B3GALT1: variants seen among roughly 807,000 people sequenced by gnomAD.
The protein encoded by B3GALT1 is UDP-Gal:betaGlcNAc beta 1,3-galactosyltransferase, polypeptide 1.
In B3GALT1, 10 loss-of-function variants were observed where a neutral mutation model predicts 23.2. The observed-to-expected ratio is 0.43, with a 90% CI of 0.27 to 0.73. The LOEUF (loss-of-function observed/expected upper bound fraction) is 0.73, where lower values mean the gene tolerates loss of function less well. B3GALT1 is among the 30% of genes least tolerant of loss of function. The pLI is 0.21. For missense variants in B3GALT1, 299 were observed against 405.4 expected (o/e 0.74, Z 2.25); for synonymous variants, 156 against 141.5 (o/e 1.10, Z -0.73).
intron 1 of B3GALT1, among the ~76,000 whole-genome samples, chr2:167,302,301 T>G (rs1165355811): frequency 1.3e-5 from 2 of 152,144 alleles, no homozygotes; most frequent in African/African-American, 4.8e-5. Context: ...AAAATGTTTT[T>G]GCTGGGAACA....
chr2:167,320,994 G>A (rs1696802321), intron 1 of B3GALT1, among the ~76,000 whole-genome samples: 1 of 151,820 alleles, frequency 6.6e-6, no homozygotes, highest in Non-Finnish European at 1.5e-5. Flanking sequence ...GAGGCAGAAA[G>A]GAAATCATTC....
chr2:167,569,254 A>T (rs1684242927), intron 2 of B3GALT1, among the ~76,000 whole-genome samples: 1 of 151,890 alleles, frequency 6.6e-6, no homozygotes, highest in African/African-American at 2.4e-5. Context: ...TACAGCCATA[A>T]AATAAGTTGC....
chr2:167,451,844 T>G lies in B3GALT1; in HGVS notation c.-510-38333T>G, dbSNP rs554341927. Among the ~76,000 whole-genome samples, 3 of 152,276 alleles carry G rather than the reference T, an allele frequency of 2.0e-5. No individual in the cohort carries two copies. The East Asian group carries it at 5.8e-4, about 29-fold the overall frequency. Reference sequence around the variant, plus strand: ...TGTATGTCTGAGCTCAGACTCTCCTTGGACAGGGCTTGCCGTGGCTGCTGT... The same window carrying G: ...TGTATGTCTGAGCTCAGACTCTCCTGGGACAGGGCTTGCCGTGGCTGCTGT... On this transcript the variant is annotated intron_variant, in intron 1 of 4. Transcript: ENST00000392690.
chr2:167,550,847 C>G (rs1402737822), intron 2 of B3GALT1, among the ~76,000 whole-genome samples: 1 of 152,128 alleles, frequency 6.6e-6, no homozygotes, highest in African/African-American at 2.4e-5. Context: ...GTAGGGTAGG[C>G]CAGCTTCTGT....
At chr2:167,332,047 C>T (rs1000978875) in intron 1 of B3GALT1, among the ~76,000 whole-genome samples, 1 of 152,238 alleles carries the variant, frequency 6.6e-6, no homozygotes, top group East Asian at 1.9e-4. Flanking sequence ...CTGCTTCTGC[C>T]CTAGACTTGG....
At chr2:167,552,672 C>T (rs1027279394) in intron 2 of B3GALT1, among the ~76,000 whole-genome samples, 16 of 152,186 alleles carry the variant, frequency 1.1e-4, no homozygotes, top group South Asian at 6.2e-4. Context: ...TTCTTCCAAA[C>T]GGAAGTTGCC....
chr2:167,565,398 A>G (rs1475950146), intron 2 of B3GALT1, among the ~76,000 whole-genome samples: 1 of 152,230 alleles, frequency 6.6e-6, no homozygotes, highest in African/African-American at 2.4e-5. Flanking sequence ...TAAAACCACA[A>G]AAACCCTAGA....
intron 3 of B3GALT1, among the ~76,000 whole-genome samples, chr2:167,816,945 A>G (rs1478825022): frequency 1.3e-5 from 2 of 152,224 alleles, no homozygotes; most frequent in African/African-American, 4.8e-5. Context: ...CATTTTTTAC[A>G]TAAGGCAAAG....
At chr2:167,669,138 C>T (rs1272382139) in intron 3 of B3GALT1, among the ~76,000 whole-genome samples, 1 of 152,164 alleles carries the variant, frequency 6.6e-6, no homozygotes, top group Non-Finnish European at 1.5e-5. Context: ...ATCCTTCACT[C>T]CTCCTAAGAA....
chr2:167,842,458 C>T (rs1192260188), intron 4 of B3GALT1, among the ~76,000 whole-genome samples: 2 of 152,192 alleles, frequency 1.3e-5, no homozygotes, highest in African/African-American at 4.8e-5. Context: ...ACTTCAACTC[C>T]TTAGAGGACA....
At chr2:167,810,492 A>T (rs183395618) in intron 3 of B3GALT1, among the ~76,000 whole-genome samples, 2 of 151,140 alleles carry the variant, frequency 1.3e-5, no homozygotes, top group East Asian at 3.9e-4. Context: ...GACAAAGAAG[A>T]AGGAACAGAT....
At chr2:167,542,798 C>CT (rs572650522) in intron 2 of B3GALT1, among the ~76,000 whole-genome samples, 7,824 of 140,778 alleles carry the variant, frequency 0.056, 620 homozygotes, top group African/African-American at 0.18. Flanking sequence ...TGTATTAAAG[C>CT]TTTTTTTTTT....
At chr2:167,665,576 G>T (rs1187938779) in intron 3 of B3GALT1, among the ~76,000 whole-genome samples, 2 of 151,804 alleles carry the variant, frequency 1.3e-5, no homozygotes, top group South Asian at 2.1e-4. Context: ...GAATTCGGCT[G>T]TGAGTCCATC....
rs1291682355 is a variant in B3GALT1, at chr2:167,597,435, C to T, written c.-409-49474C>T. 3.8e-4 allele frequency among the ~76,000 whole-genome samples: 58 copies of T among 152,074 alleles called. 1 individual carries two copies. The highest frequency in any genetic ancestry group is 3.8e-3 in the Admixed American group (58 of 15,274). On this transcript the variant is annotated intron_variant, in intron 2 of 4. Coordinates refer to ENST00000392690, the MANE Select transcript of B3GALT1 (RefSeq NM_020981.4). The stretch of plus-strand genomic sequence containing the variant: ...CAGCCCATTGTCATGTTTGAATGGG[C>T]CATTTGGTATCCTTCTAGTTCTCTA...
intron 3 of B3GALT1, among the ~76,000 whole-genome samples, chr2:167,804,322 T>A (rs1295576025): frequency 7.5e-6 from 1 of 133,654 alleles, no homozygotes; most frequent in Non-Finnish European, 1.5e-5. Flanking sequence ...TTTTGTTTTT[T>A]TCTTTTTTTT....
chr2:167,461,576 G>C (rs1003843238), intron 1 of B3GALT1, among the ~76,000 whole-genome samples: 1 of 151,576 alleles, frequency 6.6e-6, no homozygotes, highest in Non-Finnish European at 1.5e-5. Context: ...TAATTATAAA[G>C]GTTTGGAATG....
intron 2 of B3GALT1, among the ~76,000 whole-genome samples, chr2:167,549,241 C>G (rs535296889): frequency 4.6e-5 from 7 of 152,256 alleles, no homozygotes; most frequent in Admixed American, 6.5e-5. Context: ...CAAACTTAGG[C>G]AGGTGTTAGT....
intron 1 of B3GALT1, among the ~76,000 whole-genome samples, chr2:167,462,607 G>A (rs1041368475): frequency 1.3e-5 from 2 of 152,100 alleles, no homozygotes; most frequent in Non-Finnish European, 2.9e-5. Context: ...GGGCACTGAA[G>A]GGAAGAGAGG....
chr2:167,740,422 G>T (rs1687561586), intron 3 of B3GALT1, among the ~76,000 whole-genome samples: 1 of 151,950 alleles, frequency 6.6e-6, no homozygotes, highest in Admixed American at 6.6e-5. Flanking sequence ...GATGTCTTTG[G>T]CCCAGCTGGC....
Sources: allele counts gnomAD v4.1 joint callset (sites outside exome capture counted in the v4.1 genomes callset), GRCh38; gene constraint gnomAD v4.1.1; transcripts MANE v1.5; gene names NCBI Gene and HGNC (gene_info 2026-07-23, HGNC 2026-07-21).